WLS: variants seen among roughly 807,000 people sequenced by gnomAD.
The protein encoded by WLS is Wnt ligand secretion mediator, also known as protein wntless homolog.
WLS carries 23 observed loss-of-function variants against 62.8 expected under a neutral mutation model. That is an observed-to-expected ratio of 0.37 (90% CI 0.26 to 0.52). WLS has a LOEUF of 0.52. WLS is among the 20% of genes least tolerant of loss of function. The probability of loss-of-function intolerance (pLI) is 0.92; values close to 1 mark genes in which losing one functional copy is unlikely to be tolerated. For synonymous variants in WLS, 246 were observed against 244.1 expected, an observed-to-expected ratio of 1.01 and a Z score of -0.07; for missense variants, 615 against 697.3, an observed-to-expected ratio of 0.88 and a Z score of 1.33.
intron 11 of WLS, among the ~76,000 whole-genome samples, chr1:68,103,191 C>G (rs1183725040): frequency 1.3e-5 from 2 of 152,202 alleles, no homozygotes; most frequent in Admixed American, 1.3e-4. Flanking sequence ...ATAGTTTTAT[C>G]TCATCCTGTG....
At chr1:68,198,946 A>G (rs1648834998) in intron 1 of WLS, among the ~76,000 whole-genome samples, 1 of 152,230 alleles carries the variant, frequency 6.6e-6, no homozygotes. Context: ...TTTCACTTCA[A>G]ATGGCTATCC....
At chr1:68,187,486 A>T (rs1411527373) in intron 2 of WLS, among the ~76,000 whole-genome samples, 5 of 152,156 alleles carry the variant, frequency 3.3e-5, no homozygotes, top group Non-Finnish European at 7.3e-5. Context: ...AAAAAATAAG[A>T]CATTAATATT....
intron 2 of WLS, among the ~76,000 whole-genome samples, chr1:68,165,856 C>A (rs1647052642): frequency 6.6e-6 from 1 of 152,180 alleles, no homozygotes; most frequent in Admixed American, 6.5e-5. Context: ...TGATTTATCA[C>A]TTCTAAATAT....
At chr1:68,171,662 A>G (rs532526150) in intron 2 of WLS, among the ~76,000 whole-genome samples, 221 of 152,352 alleles carry the variant, frequency 1.5e-3, no homozygotes, top group African/African-American at 5.1e-3. Flanking sequence ...GTCAGGAGAC[A>G]ACAGATGCTG....
chr1:68,174,229 C>G (rs772703603), intron 2 of WLS, among the ~76,000 whole-genome samples: 1 of 152,238 alleles, frequency 6.6e-6, no homozygotes, highest in Non-Finnish European at 1.5e-5. Flanking sequence ...CCAACATTCC[C>G]TCACTGCATA....
intron 2 of WLS, among the ~76,000 whole-genome samples, chr1:68,193,681 GC>G (rs1404961696): frequency 6.6e-6 from 1 of 152,094 alleles, no homozygotes; most frequent in Non-Finnish European, 1.5e-5. Context: ...AGAAATCTCA[GC>G]TTTTCCACTC....
intron 4 of WLS, among the ~76,000 whole-genome samples, chr1:68,154,402 A>G (rs1646868719): frequency 1.3e-5 from 2 of 152,342 alleles, no homozygotes; most frequent in East Asian, 1.9e-4. Flanking sequence ...AGGTAAATCT[A>G]TTCTATAAAA....
intron 2 of WLS, among the ~76,000 whole-genome samples, chr1:68,193,493 T>G (rs956701536): frequency 6.8e-6 from 1 of 147,538 alleles, no homozygotes; most frequent in Non-Finnish European, 1.5e-5. Flanking sequence ...GGGTTGGCAT[T>G]TCCATTTTGG....
intron 11 of WLS, among the ~76,000 whole-genome samples, chr1:68,133,507 A>T (rs558577214): frequency 6.6e-6 from 1 of 152,190 alleles, no homozygotes; most frequent in East Asian, 1.9e-4. Flanking sequence ...ACTTCACTCC[A>T]TCTCATTCAA....
chr1:68,105,324 A>G (rs924182860), intron 11 of WLS, among the ~76,000 whole-genome samples: 2 of 152,208 alleles, frequency 1.3e-5, no homozygotes, highest in South Asian at 2.1e-4. Context: ...ATTGTTTAGT[A>G]CTACTGGTTT....
rs2100373924 is a variant in WLS at position 68,125,535 on chromosome 1, TCTTA to T, written c.*687_*690del. On this transcript the variant is annotated 3_prime_UTR_variant, in exon 12 of 12. Transcript: ENST00000262348. ...CCCGAAGGCCATTTAATACAGTAAA[TCTTA>T]CTTGGGTAGTTTAGCAAACATTTTT... 1 of 985,430 alleles carries T rather than the reference TCTTA, an allele frequency of 1.0e-6. No individual in the cohort carries two copies. Among genetic ancestry groups the T allele is most frequent in the African/African-American group, 1.7e-5 (1 of 57,368 alleles). The allele number at this position is 985,430 out of a possible 1,614,324, so 61.0% of individuals were successfully genotyped here.
chr1:68,191,149 T>C (rs1648280618), intron 2 of WLS, among the ~76,000 whole-genome samples: 1 of 152,122 alleles, frequency 6.6e-6, no homozygotes, highest in Non-Finnish European at 1.5e-5. Context: ...CAGTAGACAG[T>C]AATTATTTAT....
intron 10 of WLS, among the ~76,000 whole-genome samples, chr1:68,140,147 G>A (rs1045081808): frequency 2.6e-5 from 4 of 152,178 alleles, no homozygotes; most frequent in Non-Finnish European, 4.4e-5. Context: ...GAGGTAGGTA[G>A]GTAATATTTC....
chr1:68,162,829 G>C (rs1647000199), intron 2 of WLS: 38 of 1,300,936 alleles, frequency 2.9e-5, no homozygotes, highest in Non-Finnish European at 4.1e-5. Context: ...GTCCTCCCTG[G>C]TGAGGATGAT....
intron 10 of WLS, among the ~76,000 whole-genome samples, chr1:68,140,548 T>C (rs1401620344): frequency 6.6e-6 from 1 of 152,164 alleles, no homozygotes; most frequent in African/African-American, 2.4e-5. Flanking sequence ...TGGAATGAGA[T>C]GCCCATAGTA....
Position 68,197,978 on chromosome 1 carries a change from GA to G in WLS, c.107-3752del, listed in dbSNP as rs1323335106. On this transcript the variant is annotated intron_variant, in intron 1 of 11. Coordinates refer to ENST00000262348, the MANE Select transcript of WLS (RefSeq NM_024911.7). Reference sequence around the variant, plus strand: ...GGATTAATAGAGTTTGTGTATTCAAGAGGGGGCTGGATAGATTCAGGTCAAC... The same window carrying G: ...GGATTAATAGAGTTTGTGTATTCAAGGGGGGCTGGATAGATTCAGGTCAAC... 2.6e-5 allele frequency among the ~76,000 whole-genome samples: 4 copies of G among 152,282 alleles called. No individual in the cohort carries two copies. In the East Asian group the frequency reaches 7.7e-4, roughly 29 times the overall value.
At chr1:68,102,256 T>C (rs932722368) in intron 11 of WLS, among the ~76,000 whole-genome samples, 4 of 152,184 alleles carry the variant, frequency 2.6e-5, no homozygotes, top group African/African-American at 9.6e-5. Flanking sequence ...CCTTCCTCTT[T>C]TTACTTCTTC....
intron 11 of WLS, among the ~76,000 whole-genome samples, chr1:68,136,036 G>A (rs150657515): frequency 1.3e-5 from 2 of 152,280 alleles, no homozygotes; most frequent in Non-Finnish European, 2.9e-5. Context: ...ATTGTAACAT[G>A]TCTACTCCAA....
intron 11 of WLS, among the ~76,000 whole-genome samples, chr1:68,133,580 T>A (rs980646890): frequency 6.6e-6 from 1 of 152,172 alleles, no homozygotes; most frequent in Non-Finnish European, 1.5e-5. Flanking sequence ...ACTGAGGTGC[T>A]CCGTGGTTCA....
Sources: allele counts gnomAD v4.1 joint callset (sites outside exome capture counted in the v4.1 genomes callset), GRCh38; gene constraint gnomAD v4.1.1; transcripts MANE v1.5; gene names NCBI Gene and HGNC (gene_info 2026-07-23, HGNC 2026-07-21).